JAZF1: variants seen among roughly 807,000 people sequenced by gnomAD.
JAZF1 encodes the protein juxtaposed with another zinc finger protein 1.
A neutral mutation model predicts 26.4 loss-of-function variants in JAZF1; 8 were observed. That is an observed-to-expected ratio of 0.30 (90% CI 0.18 to 0.55). The LOEUF is 0.55. Among genes scored for constraint, JAZF1 ranks in the 20% least tolerant of loss-of-function variants. JAZF1 has a pLI of 0.94. For synonymous variants in JAZF1, 126 were observed against 122.3 expected, an observed-to-expected ratio of 1.03 and a Z score of -0.20; for missense variants, 199 against 322.0, an observed-to-expected ratio of 0.62 and a Z score of 2.92.
intron 2 of JAZF1, among the ~76,000 whole-genome samples, chr7:27,907,007 G>A (rs1289480324): frequency 1.3e-5 from 2 of 152,116 alleles, no homozygotes; most frequent in African/African-American, 4.8e-5. Flanking sequence ...GAGATGATGC[G>A]TAACTTTCCC....
chr7:27,960,450 A>G (rs1175834184), intron 2 of JAZF1, among the ~76,000 whole-genome samples: 1 of 152,230 alleles, frequency 6.6e-6, no homozygotes, highest in Non-Finnish European at 1.5e-5. Flanking sequence ...TTAGAAGAGA[A>G]GGCATTGTGT....
intron 1 of JAZF1, among the ~76,000 whole-genome samples, chr7:28,172,758 C>T (rs1171704446): frequency 6.6e-6 from 1 of 152,092 alleles, no homozygotes; most frequent in African/African-American, 2.4e-5. Flanking sequence ...GTGTAAGGAC[C>T]CCAGGTAAGC....
chr7:28,147,618 C>A (rs920346464), intron 1 of JAZF1, among the ~76,000 whole-genome samples: 1 of 150,740 alleles, frequency 6.6e-6, no homozygotes, highest in Admixed American at 6.6e-5. Context: ...GAGGCCAAGG[C>A]GAGTGGATAG....
chr7:28,116,297 G>A (rs560530155), intron 1 of JAZF1, among the ~76,000 whole-genome samples: 3 of 152,236 alleles, frequency 2.0e-5, no homozygotes, highest in African/African-American at 7.2e-5. Context: ...TCCACAACTG[G>A]TCAACAATTT....
intron 1 of JAZF1, among the ~76,000 whole-genome samples, chr7:28,107,638 G>C (rs1383623925): frequency 6.6e-6 from 1 of 152,150 alleles, no homozygotes; most frequent in Non-Finnish European, 1.5e-5. Context: ...AGTGAACGTA[G>C]TCAACCCAAG....
intron 2 of JAZF1, among the ~76,000 whole-genome samples, chr7:27,896,162 G>A (rs541692871): frequency 4.6e-5 from 7 of 152,334 alleles, no homozygotes; most frequent in African/African-American, 1.7e-4. Context: ...AAAGAGAAAG[G>A]TGACTTTTCC....
At chr7:27,900,989 T>C (rs13226126) in intron 2 of JAZF1, among the ~76,000 whole-genome samples, 30,351 of 150,136 alleles carry the variant, frequency 0.2, 3,914 homozygotes, top group Non-Finnish European at 0.29. Context: ...TTTTTTTTTT[T>C]CTAAGAGACG....
intron 1 of JAZF1, among the ~76,000 whole-genome samples, chr7:28,035,958 G>A (rs1179555092): frequency 6.6e-6 from 1 of 152,236 alleles, no homozygotes; most frequent in Non-Finnish European, 1.5e-5. Context: ...AGATATATTT[G>A]TGAAAATTCA....
intron 1 of JAZF1, among the ~76,000 whole-genome samples, chr7:28,084,790 G>A (rs976995998): frequency 3.9e-5 from 6 of 152,220 alleles, no homozygotes; most frequent in Non-Finnish European, 7.3e-5. Flanking sequence ...GATGTTTGTT[G>A]TCTGCTGTGG....
At chr7:27,837,888 ACTT>A (rs1379683898) in intron 4 of JAZF1, among the ~76,000 whole-genome samples, 1 of 152,178 alleles carries the variant, frequency 6.6e-6, no homozygotes, top group Non-Finnish European at 1.5e-5. Context: ...GCCCACTCCC[ACTT>A]CTTCTGGGGA....
intron 1 of JAZF1, among the ~76,000 whole-genome samples, chr7:28,122,735 G>A (rs1352803893): frequency 2.0e-5 from 3 of 152,030 alleles, no homozygotes; most frequent in Non-Finnish European, 4.4e-5. Flanking sequence ...CAGGGACGCA[G>A]CACTCATGTG....
At chr7:27,918,383 T>C (rs528214001) in intron 2 of JAZF1, among the ~76,000 whole-genome samples, 1 of 152,284 alleles carries the variant, frequency 6.6e-6, no homozygotes, top group Admixed American at 6.5e-5. Context: ...ATTGCAACTC[T>C]AAGAAAAATC....
At chr7:27,887,819 C>T (rs879922854) in intron 3 of JAZF1, among the ~76,000 whole-genome samples, 7 of 152,086 alleles carry the variant, frequency 4.6e-5, no homozygotes, top group Non-Finnish European at 8.8e-5. Flanking sequence ...TTCCTTGTTG[C>T]CATCCTCACT....
At chr7:27,944,448 T>A (rs1334931270) in intron 2 of JAZF1, among the ~76,000 whole-genome samples, 1 of 152,228 alleles carries the variant, frequency 6.6e-6, no homozygotes, top group Non-Finnish European at 1.5e-5. Context: ...TACTGAAAAA[T>A]CAAGTAACCT....
At chr7:28,177,498 T>C (rs1783565863) in intron 1 of JAZF1, among the ~76,000 whole-genome samples, 1 of 152,166 alleles carries the variant, frequency 6.6e-6, no homozygotes, top group South Asian at 2.1e-4. Flanking sequence ...CATATTCCCA[T>C]AAATATTCAT....
chr7:27,995,829 C>G (rs114110918), intron 1 of JAZF1, among the ~76,000 whole-genome samples: 2 of 152,092 alleles, frequency 1.3e-5, no homozygotes, highest in African/African-American at 4.8e-5. Context: ...AATTACATTG[C>G]GAAGGGCTGG....
chr7:27,994,153 T>A (rs1360651554), intron 1 of JAZF1, among the ~76,000 whole-genome samples: 1 of 152,180 alleles, frequency 6.6e-6, no homozygotes, highest in Non-Finnish European at 1.5e-5. Flanking sequence ...AGCTCTAGAA[T>A]CTCTTTGGGA....
At chr7:28,085,822 A>G (rs1015765082) in intron 1 of JAZF1, among the ~76,000 whole-genome samples, 1 of 152,252 alleles carries the variant, frequency 6.6e-6, no homozygotes, top group East Asian at 1.9e-4. Flanking sequence ...AGGCAGCTTC[A>G]TAATTGTGAG....
intron 4 of JAZF1, among the ~76,000 whole-genome samples, chr7:27,835,804 G>A (rs564013451): frequency 9.9e-5 from 15 of 152,052 alleles, no homozygotes; most frequent in Non-Finnish European, 1.9e-4. Flanking sequence ...AAACAAATTT[G>A]ATCTTTCAGA....
Sources: gnomAD v4.1 joint callset for allele counts (sites outside exome capture counted in the v4.1 genomes callset) on GRCh38, gnomAD v4.1.1 for gene constraint, MANE v1.5 for transcripts, NCBI Gene and HGNC (gene_info 2026-07-23, HGNC 2026-07-21) for gene names.